Variants in PRORP observed in about 807,000 individuals in gnomAD.
PRORP encodes the protein protein only RNase P catalytic subunit.
Under a neutral mutation model 59.4 loss-of-function variants are expected in PRORP, and 51 were observed. The observed-to-expected ratio is 0.86, with a 90% CI of 0.69 to 1.08. PRORP has a LOEUF of 1.08. Ranked by LOEUF, PRORP falls within the 50% of genes least tolerant of loss-of-function variation. The pLI is 0.00. For synonymous variants in PRORP, 231 were observed against 245.6 expected (o/e 0.94, Z 0.55); for missense variants, 646 against 690.3 (o/e 0.94, Z 0.72).
At chr14:35,198,280 T>C (rs2049056403) in intron 5 of PRORP, among the ~76,000 whole-genome samples, 2 of 152,272 alleles carry the variant, frequency 1.3e-5, no homozygotes, top group African/African-American at 2.4e-5. Flanking sequence ...GGATTTTTCC[T>C]GTGAACCCTC....
At chr14:35,163,347 T>C (rs546494030) in intron 4 of PRORP, among the ~76,000 whole-genome samples, 39 of 152,290 alleles carry the variant, frequency 2.6e-4, no homozygotes, top group Middle Eastern at 3.4e-3. Context: ...TGTTTATTTC[T>C]CCCTGAAATG....
intron 7 of PRORP, among the ~76,000 whole-genome samples, chr14:35,271,941 G>A (rs530002988): frequency 1.3e-5 from 2 of 152,122 alleles, no homozygotes; most frequent in Middle Eastern, 3.4e-3. Context: ...TACAAGAATC[G>A]CTTGAACCTG....
intron 5 of PRORP, among the ~76,000 whole-genome samples, chr14:35,208,176 G>GATGTAACCCATATCACTGGCCTT (rs1255777756): frequency 6.6e-6 from 1 of 151,962 alleles, no homozygotes; most frequent in East Asian, 1.9e-4. Flanking sequence ...TATAGTTAAA[G>GATGTAACCCATATCACTGGCCTT]ATGTAACCCA....
At chr14:35,241,968 G>T (rs2050380580) in intron 5 of PRORP, among the ~76,000 whole-genome samples, 1 of 151,732 alleles carries the variant, frequency 6.6e-6, no homozygotes, top group Non-Finnish European at 1.5e-5. Context: ...ACTCCCACTG[G>T]GCTCTAAACT....
At chr14:35,256,347 TTTA>T (rs1292856091) in intron 5 of PRORP, among the ~76,000 whole-genome samples, 1 of 135,886 alleles carries the variant, frequency 7.4e-6, no homozygotes, top group Non-Finnish European at 1.6e-5. Flanking sequence ...TTTTTTTTTT[TTTA>T]AGACAGAGTC....
At chr14:35,163,909 C>G (rs1373535444) in intron 4 of PRORP, among the ~76,000 whole-genome samples, 2 of 152,086 alleles carry the variant, frequency 1.3e-5, no homozygotes, top group African/African-American at 4.8e-5. Context: ...TGAGGGTATA[C>G]ATTTAAATCT....
intron 4 of PRORP, among the ~76,000 whole-genome samples, chr14:35,143,794 A>G (rs1232815929): frequency 6.9e-6 from 1 of 144,752 alleles, no homozygotes; most frequent in Non-Finnish European, 1.5e-5. Context: ...GATTACAGGC[A>G]TGCGCCACCA....
chr14:35,173,696 C>A (rs531831227), intron 4 of PRORP, among the ~76,000 whole-genome samples: 8 of 152,136 alleles, frequency 5.3e-5, no homozygotes, highest in African/African-American at 1.9e-4. Flanking sequence ...ACAAATTTTA[C>A]CTGGTATAAT....
At chr14:35,167,964 G>A (rs1159060440) in intron 4 of PRORP, among the ~76,000 whole-genome samples, 1 of 152,136 alleles carries the variant, frequency 6.6e-6, no homozygotes, top group Non-Finnish European at 1.5e-5. Context: ...AGAAGAAAAG[G>A]AGTATTAAAG....
chr14:35,133,862 G>C (rs2047310441), intron 4 of PRORP, among the ~76,000 whole-genome samples: 3 of 152,170 alleles, frequency 2.0e-5, no homozygotes, highest in Admixed American at 2.0e-4. Context: ...GAGCCACCTG[G>C]AGCTGAGGAC....
chr14:35,169,733 G>A (rs534763336), intron 4 of PRORP, among the ~76,000 whole-genome samples: 1 of 152,176 alleles, frequency 6.6e-6, no homozygotes, highest in Admixed American at 6.5e-5. Flanking sequence ...AGATTTGGGT[G>A]GGGACACAAA....
rs547075844 is a variant in PRORP at position 35,180,704 on chromosome 14, G to A, written c.1202G>A (p.Arg401His). The A allele has an allele frequency of 1.6e-5, 25 of 1,612,416 alleles. No individual in the cohort carries two copies. Among genetic ancestry groups the A allele is most frequent in the Middle Eastern group, 1.7e-4 (1 of 6,050 alleles). The change falls in exon 5 of 8, where the codon CGT becomes CAT. Residue 401 changes from arginine to histidine, a missense_variant. Arg to His is a conservative substitution (Grantham distance 29). Coordinates refer to ENST00000534898, the MANE Select transcript of PRORP (RefSeq NM_014672.4). ...AGATTTGAGAACTTCATAAAATCTC[G>A]TCCTCCTTTTGATGTTGTCATTGAT... ...LKRFENFIKS[R>H]PPFDVVIDGL...
intron 5 of PRORP, among the ~76,000 whole-genome samples, chr14:35,261,336 T>G (rs1040355151): frequency 2.0e-5 from 3 of 152,220 alleles, no homozygotes; most frequent in African/African-American, 7.2e-5. Context: ...TTGCACTTAG[T>G]GGGAGACATA....
At chr14:35,151,119 G>T (rs559854245) in intron 4 of PRORP, among the ~76,000 whole-genome samples, 2 of 152,184 alleles carry the variant, frequency 1.3e-5, no homozygotes, top group Non-Finnish European at 2.9e-5. Context: ...TCTACTAAGT[G>T]AATTTTTAGA....
chr14:35,166,530 A>T (rs995588850), intron 4 of PRORP, among the ~76,000 whole-genome samples: 1 of 147,708 alleles, frequency 6.8e-6, no homozygotes, highest in Non-Finnish European at 1.5e-5. Flanking sequence ...GCTCACTGCA[A>T]CCTCTGCCTC....
chr14:35,157,651 A>C (rs2047949011), intron 4 of PRORP, among the ~76,000 whole-genome samples: 1 of 152,156 alleles, frequency 6.6e-6, no homozygotes, highest in South Asian at 2.1e-4. Context: ...TGGCCTCCCA[A>C]AGTGCTGGGA....
intron 4 of PRORP, among the ~76,000 whole-genome samples, chr14:35,132,875 G>A (rs991032726): frequency 1.3e-5 from 2 of 151,582 alleles, no homozygotes; most frequent in African/African-American, 4.9e-5. Context: ...AAGTAAGTTT[G>A]ATCATTCAAT....
chr14:35,215,585 CA>C (rs895936157), intron 5 of PRORP, among the ~76,000 whole-genome samples: 8 of 149,278 alleles, frequency 5.4e-5, no homozygotes, highest in Admixed American at 1.3e-4. Flanking sequence ...GACCGTGACT[CA>C]AAAAAAAAAA....
chr14:35,147,373 C>T (rs1288787121), intron 4 of PRORP, among the ~76,000 whole-genome samples: 1 of 152,088 alleles, frequency 6.6e-6, no homozygotes, highest in African/African-American at 2.4e-5. Flanking sequence ...GACAGGGTCT[C>T]ACTCTGTCAC....
Sources: gnomAD v4.1 joint callset for allele counts (sites outside exome capture counted in the v4.1 genomes callset) on GRCh38, gnomAD v4.1.1 for gene constraint, MANE v1.5 for transcripts, NCBI Gene and HGNC (gene_info 2026-07-23, HGNC 2026-07-21) for gene names.